DPYSL2: variants seen among roughly 807,000 people sequenced by gnomAD.
DPYSL2 encodes the protein dihydropyrimidinase like 2, also known as dihydropyrimidinase-related protein 2.
In DPYSL2, 13 loss-of-function variants were observed where a neutral mutation model predicts 69.9. The observed-to-expected ratio is 0.19, with a 90% CI of 0.12 to 0.30. The LOEUF (loss-of-function observed/expected upper bound fraction) is 0.30, where lower values mean the gene tolerates loss of function less well. Among genes scored for constraint, DPYSL2 ranks in the 10% least tolerant of loss-of-function variants. The pLI is 1.00. For missense variants in DPYSL2, 587 were observed against 918.9 expected (o/e 0.64, Z 4.67); for synonymous variants, 326 against 359.1 (o/e 0.91, Z 1.04).
At chr8:26,579,300 C>T (rs1410372148) in intron 1 of DPYSL2, among the ~76,000 whole-genome samples, 6 of 152,234 alleles carry the variant, frequency 3.9e-5, no homozygotes, top group Non-Finnish European at 8.8e-5. Context: ...AGTCTTGCTC[C>T]CACCTCTCCC....
At chr8:26,552,789 T>C (rs1585504113) in intron 1 of DPYSL2, among the ~76,000 whole-genome samples, 1 of 152,326 alleles carries the variant, frequency 6.6e-6, no homozygotes, top group East Asian at 1.9e-4. Flanking sequence ...CATTCATGAG[T>C]GCAGAGCCCT....
intron 1 of DPYSL2, among the ~76,000 whole-genome samples, chr8:26,532,291 G>T (rs1217455890): frequency 6.6e-6 from 1 of 152,182 alleles, no homozygotes; most frequent in Admixed American, 6.5e-5. Flanking sequence ...GGTAAAAGAA[G>T]AGGGGCAGAG....
At chr8:26,611,834 C>A (rs1802236120) in intron 3 of DPYSL2, among the ~76,000 whole-genome samples, 1 of 152,196 alleles carries the variant, frequency 6.6e-6, no homozygotes, top group Non-Finnish European at 1.5e-5. Context: ...TCTCCCTGGA[C>A]CCGGAAAGAG....
Position 26,627,404 on chromosome 8 carries a change from G to GAAC in DPYSL2, c.936+110_936+111insACA. The GAAC allele has an allele frequency of 8.6e-7, 1 of 1,162,968 alleles. No individual in the cohort carries two copies. Among genetic ancestry groups the GAAC allele is most frequent in the Non-Finnish European group, 1.3e-6 (1 of 789,322 alleles). 72.0% of individuals were successfully genotyped at this position (1,162,968 alleles called of 1,614,324 possible). On this transcript the variant is annotated intron_variant, in intron 6 of 13. Coordinates refer to ENST00000521913, the MANE Select transcript of DPYSL2 (RefSeq NM_001197293.3). The surrounding 1 kb of genome is among the most constrained non-coding windows in gnomAD (Gnocchi z 6.9). ...TAACACCAAGGTGGAAAAGCAGAGG[G>GAAC]ACCTGGTGTTCCCTTGCTGGAGCTC...
At position 26,642,245 on chromosome 8, in the gene DPYSL2, T is replaced by C. The variant is rs185542632; in HGVS notation, c.1127-1194T>C. On this transcript the variant is annotated intron_variant, in intron 8 of 13. Transcript: ENST00000521913. The surrounding 1 kb of genome is among the most constrained non-coding windows in gnomAD (Gnocchi z 5.3). ...CAAGGTGTCTCCATCAGGTGGAAAG[T>C]CAAAAATTCAGAACTGGGCAATGAC... Among the ~76,000 whole-genome samples the C allele has an allele frequency of 1.1e-3, 175 of 152,218 alleles. No homozygotes were observed. Among genetic ancestry groups the C allele is most frequent in the African/African-American group, 4.0e-3 (168 of 41,540 alleles).
chr8:26,608,907 T>G (rs1477048763), intron 3 of DPYSL2, among the ~76,000 whole-genome samples: 1 of 152,206 alleles, frequency 6.6e-6, no homozygotes, highest in East Asian at 1.9e-4. Flanking sequence ...GGTCTTTATT[T>G]GGAGGGGATG....
chr8:26,655,036 T>C (rs1352567168), intron 13 of DPYSL2, among the ~76,000 whole-genome samples: 1 of 151,516 alleles, frequency 6.6e-6, no homozygotes, highest in Non-Finnish European at 1.5e-5. Flanking sequence ...TTTGTAGAGA[T>C]AGGCTCTCAC....
At chr8:26,523,345 GTCT>G (rs2117602459) in intron 1 of DPYSL2, among the ~76,000 whole-genome samples, 1 of 152,158 alleles carries the variant, frequency 6.6e-6, no homozygotes, top group South Asian at 2.1e-4. Flanking sequence ...AAAATTTACT[GTCT>G]TAACAATTTT....
In DPYSL2 at chr8:26,523,271, A is replaced by G. The variant is rs181974583; in HGVS notation, c.354+8592A>G. ...AACCAACAAGCTGAGTTTTAAACTA[A>G]TAAATTTGGGAAAATAAATGAGTTC... On this transcript the variant is annotated intron_variant, in intron 1 of 13. Coordinates refer to ENST00000521913, the MANE Select transcript of DPYSL2 (RefSeq NM_001197293.3). Among the ~76,000 whole-genome samples the G allele has an allele frequency of 8.5e-5, 13 of 152,242 alleles. 1 individual carries two copies. The highest frequency in any genetic ancestry group is 1.8e-4 in the Non-Finnish European group (12 of 68,010).
rs1283257490 is a variant in DPYSL2 at position 26,641,820 on chromosome 8, G to C, written c.1127-1619G>C. ...AGTGAGCTGCCTGCTGTGGCCTCCA[G>C]CACTCCCCAGCTGAACAGCGAGTCC... On this transcript the variant is annotated intron_variant, in intron 8 of 13. Coordinates refer to ENST00000521913, the MANE Select transcript of DPYSL2 (RefSeq NM_001197293.3). The surrounding 1 kb of genome is among the most constrained non-coding windows in gnomAD (Gnocchi z 4.1). Among the ~76,000 whole-genome samples the C allele has an allele frequency of 1.3e-5, 2 of 152,212 alleles. No individual in the cohort carries two copies. Among genetic ancestry groups the C allele is most frequent in the Non-Finnish European group, 2.9e-5 (2 of 68,040 alleles).
At chr8:26,528,014 G>A (rs1808509849) in intron 1 of DPYSL2, among the ~76,000 whole-genome samples, 1 of 152,096 alleles carries the variant, frequency 6.6e-6, no homozygotes, top group African/African-American at 2.4e-5. Context: ...ATGTTGGCCA[G>A]CCTTGTATTG....
Position 26,653,501 on chromosome 8 carries a change from A to T in DPYSL2, c.1942+104A>T. ...AAGGACACAGAAATAGAAGTGAATGATATTCCCTTTCTCTCCAACGTGAGA... is the reference window on the plus strand; with the variant it reads ...AAGGACACAGAAATAGAAGTGAATGTTATTCCCTTTCTCTCCAACGTGAGA... On this transcript the variant is annotated intron_variant, in intron 13 of 13. Coordinates refer to ENST00000521913, the MANE Select transcript of DPYSL2 (RefSeq NM_001197293.3). The surrounding 1 kb of genome is among the most constrained non-coding windows in gnomAD (Gnocchi z 5.7). 1.7e-6 allele frequency: 2 copies of T among 1,183,974 alleles called. No homozygotes were observed. Among genetic ancestry groups the T allele is most frequent in the Non-Finnish European group, 2.4e-6 (2 of 836,054 alleles). 73.3% of individuals were successfully genotyped at this position (1,183,974 alleles called of 1,614,324 possible). A position where few individuals can be genotyped will look rare whatever the true frequency, so the allele number is the denominator to read the frequency against.
chr8:26,565,194 T>G lies in DPYSL2; in HGVS notation c.355-16775T>G, dbSNP rs1357610930. Among the ~76,000 whole-genome samples, 1 of 152,230 alleles carries G rather than the reference T, an allele frequency of 6.6e-6. No homozygotes were observed. Among genetic ancestry groups the G allele is most frequent in the Non-Finnish European group, 1.5e-5 (1 of 68,032 alleles). On this transcript the variant is annotated intron_variant, in intron 1 of 13. Coordinates refer to ENST00000521913, the MANE Select transcript of DPYSL2 (RefSeq NM_001197293.3). This position sits in a 1 kb window ranked among gnomAD's most constrained non-coding sequence, Gnocchi z 4.1. ...CATCCACTCATTGGTCAGTGGGCAC[T>G]TAGGCTGGTTCCATATTTGTGCAAC...
In DPYSL2 at chr8:26,556,365, GTA is replaced by G. The variant is rs1386802424; in HGVS notation, c.355-25593_355-25592del. Among the ~76,000 whole-genome samples, 243 of 43,684 alleles carry G rather than the reference GTA, an allele frequency of 5.6e-3. 21 individuals are homozygous for G. The highest frequency in any genetic ancestry group is 0.017 in the African/African-American group (227 of 13,014). 28.7% of individuals were successfully genotyped at this position (43,684 alleles called of 152,430 possible). A position where few individuals can be genotyped will look rare whatever the true frequency, so the allele number is the denominator to read the frequency against. ...TATATATATATAGTATATATATATA[GTA>G]TATATATATAGTATATACACACATA... On this transcript the variant is annotated intron_variant, in intron 1 of 13. Transcript: ENST00000521913.
chr8:26,635,694 T>C (rs2129945921), intron 8 of DPYSL2, among the ~76,000 whole-genome samples: 1 of 152,254 alleles, frequency 6.6e-6, no homozygotes, highest in Middle Eastern at 3.4e-3. Context: ...CTTTCTTCCT[T>C]CCTTTCTCCC....
intron 1 of DPYSL2, among the ~76,000 whole-genome samples, chr8:26,581,558 G>C (rs934977680): frequency 6.6e-6 from 1 of 151,946 alleles, no homozygotes. Context: ...ATTTTTTATA[G>C]AGATGGGGTT....
At chr8:26,634,955 G>C in intron 8 of DPYSL2, 55 bp downstream of exon 8, 4 of 1,607,384 alleles carry the variant, frequency 2.5e-6, no homozygotes, top group Non-Finnish European at 3.4e-6. Flanking sequence ...GGAGGGGAGG[G>C]GGGCTCCTCA....
In DPYSL2 at chr8:26,650,690, G is replaced by A. The variant is rs185495286; in HGVS notation, c.1597-1567G>A. Among the ~76,000 whole-genome samples, 47 of 152,326 alleles carry A rather than the reference G, an allele frequency of 3.1e-4. No individual in the cohort carries two copies. Among genetic ancestry groups the A allele is most frequent in the Admixed American group, 1.9e-3 (29 of 15,304 alleles). Reference sequence around the variant, plus strand: ...GGAGACTGGGCCACCAAGGGCCAGCGTGTGCTTATTATGGCATCTCTGGGG... The same window carrying A: ...GGAGACTGGGCCACCAAGGGCCAGCATGTGCTTATTATGGCATCTCTGGGG... On this transcript the variant is annotated intron_variant, in intron 11 of 13. Transcript: ENST00000521913. The surrounding 1 kb of genome is among the most constrained non-coding windows in gnomAD (Gnocchi z 5.3).
intron 1 of DPYSL2, among the ~76,000 whole-genome samples, chr8:26,544,380 A>G (rs949175477): frequency 2.0e-5 from 3 of 152,210 alleles, no homozygotes; most frequent in Non-Finnish European, 4.4e-5. Flanking sequence ...TGATCATTCA[A>G]TTTCCAAAAG....
Sources: allele counts gnomAD v4.1 joint callset (sites outside exome capture counted in the v4.1 genomes callset), GRCh38; gene constraint gnomAD v4.1.1; non-coding constraint Gnocchi (gnomAD v3.1); transcripts MANE v1.5; gene names NCBI Gene and HGNC (gene_info 2026-07-23, HGNC 2026-07-21).